Variants in AVPR1B observed in about 807,000 individuals in gnomAD.
The protein encoded by AVPR1B is vasopressin V1b receptor.
In AVPR1B, 25 loss-of-function variants were observed where a neutral mutation model predicts 27.5. The ratio of observed to expected loss-of-function variants is 0.91; its 90% confidence interval spans 0.66 to 1.27. The LOEUF (loss-of-function observed/expected upper bound fraction) is 1.27, where lower values mean the gene tolerates loss of function less well. Among genes scored for constraint, AVPR1B ranks in the 50% most tolerant of loss-of-function variants. The probability of loss-of-function intolerance (pLI) is 0.00; values close to 1 mark genes in which losing one functional copy is unlikely to be tolerated. For missense variants in AVPR1B, 595 were observed against 556.9 expected (o/e 1.07, Z -0.69); for synonymous variants, 248 against 240.2 (o/e 1.03, Z -0.30).
In AVPR1B at chr1:206,116,396, G is replaced by T; in HGVS notation, c.495C>A (p.Ser165Arg). 6.2e-7 allele frequency: 1 copy of T among 1,613,980 alleles called. No homozygotes were observed. The highest frequency in any genetic ancestry group is 8.5e-7 in the Non-Finnish European group (1 of 1,180,046). Residue 165 changes from serine to arginine, a missense_variant, in exon 1 of 2, where the codon AGC (serine) becomes AGA (arginine). Coordinates refer to ENST00000367126, the MANE Select transcript of AVPR1B (RefSeq NM_000707.5). ...GGGAAAAAATGAAGACTTGAGGGAGGCTGAAGATGGCGGCCAGCAGCCAGG... is the reference window on the plus strand; with the variant it reads ...GGGAAAAAATGAAGACTTGAGGGAGTCTGAAGATGGCGGCCAGCAGCCAGG... ...AAPWLLAAIF[S>R]LPQVFIFSLR...
rs147245349 is a variant in AVPR1B, at chr1:206,108,840, A to G, written c.*1349T>C. ...TGAGCATGTGCCATGCTCTTCCTCT[A>G]CCTCGGTCTACCTTGGCCTGCAGCC... On this transcript the variant is annotated 3_prime_UTR_variant, in exon 2 of 2. Transcript: ENST00000367126. Among the ~76,000 whole-genome samples, 2 of 152,312 alleles carry G rather than the reference A, an allele frequency of 1.3e-5. No individual in the cohort carries two copies. Among genetic ancestry groups the G allele is most frequent in the African/African-American group, 4.8e-5 (2 of 41,570 alleles).
rs1553289241 is a variant in AVPR1B, at chr1:206,108,138, C to T, written c.*2051G>A. On this transcript the variant is annotated 3_prime_UTR_variant, in exon 2 of 2. Transcript: ENST00000367126. ...AAGATGGGGCAAGGGGGTGGGGAGGCCGCTTTTGTAAGCAGGGGAAGGAGC... is the reference window on the plus strand; with the variant it reads ...AAGATGGGGCAAGGGGGTGGGGAGGTCGCTTTTGTAAGCAGGGGAAGGAGC... 6.6e-6 allele frequency among the ~76,000 whole-genome samples: 1 copy of T among 152,152 alleles called. No individual in the cohort carries two copies. Among genetic ancestry groups the T allele is most frequent in the African/African-American group, 2.4e-5 (1 of 41,434 alleles).
intron 1 of AVPR1B, among the ~76,000 whole-genome samples, chr1:206,111,108 G>A (rs1452351729): frequency 2.0e-5 from 3 of 152,084 alleles, no homozygotes; most frequent in African/African-American, 7.2e-5. Context: ...GGGACCTGAT[G>A]GGGCAATCAA....
chr1:206,111,338 A>G (rs1052626298), intron 1 of AVPR1B, among the ~76,000 whole-genome samples: 21 of 152,228 alleles, frequency 1.4e-4, no homozygotes, highest in African/African-American at 4.1e-4. Flanking sequence ...TTCCTTCCAG[A>G]CAAAATATTC....
At chr1:206,114,050 T>C (rs982487270) in intron 1 of AVPR1B, among the ~76,000 whole-genome samples, 1 of 152,216 alleles carries the variant, frequency 6.6e-6, no homozygotes, top group Non-Finnish European at 1.5e-5. Flanking sequence ...GAAGGGATAT[T>C]GTATTAAGAA....
At chr1:206,110,619 T>C (rs1358068513) in intron 1 of AVPR1B, 96 bp from the exon 2 acceptor site, 2 of 1,109,686 alleles carry the variant, frequency 1.8e-6, no homozygotes, top group Non-Finnish European at 2.5e-6. Flanking sequence ...ATGAGGAAAC[T>C]GAGTCCTAGA....
Position 206,116,361 on chromosome 1 carries a change from A to T in AVPR1B, c.530T>A (p.Val177Glu). 1 of 1,613,564 alleles carries T rather than the reference A, an allele frequency of 6.2e-7. No individual in the cohort carries two copies. ...GTCCAGCACCCCTGAGCCCTGGATC[A>T]CCTCCCGCAGGGAAAAAATGAAGAC... ...PQVFIFSLREVIQGSGVLDCW... is the reference protein window; with the variant it reads ...PQVFIFSLREEIQGSGVLDCW... The change falls in exon 1 of 2, where the codon GTG (valine) becomes GAG (glutamate). Residue 177 changes from valine to glutamate, a missense_variant. By Grantham distance (121) the Val-to-Glu change is moderately radical. Coordinates refer to ENST00000367126, the MANE Select transcript of AVPR1B (RefSeq NM_000707.5).
rs1394742526 is a variant in AVPR1B, at chr1:206,108,035, T to C, written c.*2154A>G. Among the ~76,000 whole-genome samples the C allele has an allele frequency of 1.3e-5, 2 of 152,286 alleles. No individual in the cohort carries two copies. The highest frequency in any genetic ancestry group is 3.9e-4 in the East Asian group (2 of 5,184). On this transcript the variant is annotated 3_prime_UTR_variant, in exon 2 of 2. Transcript: ENST00000367126. Reference sequence around the variant, plus strand: ...CCAGGTCTTTGGGGCACACAGCTGGTGTTCCTTCTACCTCCCAGTCATCAT... The same window carrying C: ...CCAGGTCTTTGGGGCACACAGCTGGCGTTCCTTCTACCTCCCAGTCATCAT...
At position 206,116,043 on chromosome 1, in the gene AVPR1B, G is replaced by T. The variant is rs373513260; in HGVS notation, c.848C>A (p.Thr283Asn). ...SRAKIRTVKMTFVIVLAYIAC... is the reference protein window; with the variant it reads ...SRAKIRTVKMNFVIVLAYIAC... ...GATGTAGGCCAGCACGATGACAAAG[G>T]TCATCTTCACTGTTCGGATCTTGGC... Residue 283 changes from threonine (T) to asparagine (N), a missense_variant, in exon 1 of 2, where the codon ACC becomes AAC. Transcript: ENST00000367126. The T allele has an allele frequency of 1.5e-5, 24 of 1,614,222 alleles. No individual in the cohort carries two copies. The highest frequency in any genetic ancestry group is 1.6e-4 in the Middle Eastern group (1 of 6,062).
In AVPR1B at chr1:206,107,239, T is replaced by C. The variant is rs1298689882; in HGVS notation, c.*2950A>G. ...AGTACTGTCATTCACAGTCACAGGA[T>C]GGCATAAACAATTTACACAAGTGCC... On this transcript the variant is annotated 3_prime_UTR_variant, in exon 2 of 2. Coordinates refer to ENST00000367126, the MANE Select transcript of AVPR1B (RefSeq NM_000707.5). Among the ~76,000 whole-genome samples the C allele has an allele frequency of 6.6e-6, 1 of 152,176 alleles. No homozygotes were observed. The highest frequency in any genetic ancestry group is 1.5e-5 in the Non-Finnish European group (1 of 68,044).
chr1:206,115,666 ATG>A (rs1663451170), intron 1 of AVPR1B, among the ~76,000 whole-genome samples: 1 of 152,238 alleles, frequency 6.6e-6, no homozygotes, highest in Non-Finnish European at 1.5e-5. Flanking sequence ...TGGTGGCCAA[ATG>A]TGCTAATGGT....
At chr1:206,110,930 A>T (rs1663366383) in intron 1 of AVPR1B, among the ~76,000 whole-genome samples, 1 of 152,194 alleles carries the variant, frequency 6.6e-6, no homozygotes, top group South Asian at 2.1e-4. Flanking sequence ...CAGGCAGGGA[A>T]AATAACCAAG....
In AVPR1B at chr1:206,116,265, A is replaced by G; in HGVS notation, c.626T>C (p.Val209Ala). 1 of 1,613,642 alleles carries G rather than the reference A, an allele frequency of 6.2e-7. No individual in the cohort carries two copies. Among genetic ancestry groups the G allele is most frequent in the Non-Finnish European group, 8.5e-7 (1 of 1,180,042 alleles). Residue 209 changes from valine (V) to alanine (A), a missense_variant, in exon 1 of 2, where the codon GTT becomes GCT. By Grantham distance (64) the Val-to-Ala change is moderately conservative. Coordinates refer to ENST00000367126, the MANE Select transcript of AVPR1B (RefSeq NM_000707.5). ...YLTWTTLAIF[V>A]LPVTMLTACY... Reference sequence around the variant, plus strand: ...GGCCGTGAGCATGGTCACCGGCAGAACGAAGATAGCCAGGGTGGTCCAGGT... The same window carrying G: ...GGCCGTGAGCATGGTCACCGGCAGAGCGAAGATAGCCAGGGTGGTCCAGGT...
At chr1:206,113,298 C>T (rs540790910) in intron 1 of AVPR1B, among the ~76,000 whole-genome samples, 5 of 152,020 alleles carry the variant, frequency 3.3e-5, no homozygotes, top group South Asian at 4.1e-4. Context: ...AGCTGATGGT[C>T]GGGGACAGGG....
intron 1 of AVPR1B, among the ~76,000 whole-genome samples, chr1:206,113,747 A>G (rs1264053039): frequency 1.3e-5 from 2 of 152,336 alleles, no homozygotes; most frequent in African/African-American, 2.4e-5. Context: ...AGCTTGGCCC[A>G]TAAAGACCTC....
chr1:206,116,498 G>C lies in AVPR1B; in HGVS notation c.393C>G (p.Asp131Glu). 1 of 1,614,092 alleles carries C rather than the reference G, an allele frequency of 6.2e-7. No homozygotes were observed. The highest frequency in any genetic ancestry group is 8.5e-7 in the Non-Finnish European group (1 of 1,179,998). Residue 131 changes from aspartate (D) to glutamate (E), a missense_variant, in exon 1 of 2, where the codon GAC becomes GAG. Coordinates refer to ENST00000367126, the MANE Select transcript of AVPR1B (RefSeq NM_000707.5). ...GGGGGTGACAGACAGCCAGGTAGCG[G>C]TCCAGCGTCATGGCCAGCAGCATGT... ...STYMLLAMTL[D>E]RYLAVCHPLR...
rs1247537317 is a variant in AVPR1B, at chr1:206,107,812, C to T, written c.*2377G>A. Among the ~76,000 whole-genome samples the T allele has an allele frequency of 6.6e-6, 1 of 152,218 alleles. No individual in the cohort carries two copies. The highest frequency in any genetic ancestry group is 2.4e-5 in the African/African-American group (1 of 41,464). On this transcript the variant is annotated 3_prime_UTR_variant, in exon 2 of 2. Coordinates refer to ENST00000367126, the MANE Select transcript of AVPR1B (RefSeq NM_000707.5). ...GACCCTGGAGGTCATCTACCAGATG[C>T]AATCTGGAGCCAGGCCATTGTTCCC...
In AVPR1B at chr1:206,107,744, G is replaced by T. The variant is rs2102335401; in HGVS notation, c.*2445C>A. Among the ~76,000 whole-genome samples, 1 of 152,348 alleles carries T rather than the reference G, an allele frequency of 6.6e-6. No individual in the cohort carries two copies. Among genetic ancestry groups the T allele is most frequent in the South Asian group, 2.1e-4 (1 of 4,828 alleles). ...TTTAGTCAGCCTTGATCCCAGGTCT[G>T]TCTCCTCTTTTCCTCTCTGAACTGT... On this transcript the variant is annotated 3_prime_UTR_variant, in exon 2 of 2. Coordinates refer to ENST00000367126, the MANE Select transcript of AVPR1B (RefSeq NM_000707.5).
intron 1 of AVPR1B, among the ~76,000 whole-genome samples, chr1:206,110,743 T>C (rs1438510732): frequency 6.6e-6 from 1 of 152,190 alleles, no homozygotes; most frequent in East Asian, 1.9e-4. Context: ...TTGTTTGTTT[T>C]TGTTGTGTAA....
Sources: gnomAD v4.1 joint callset for allele counts (sites outside exome capture counted in the v4.1 genomes callset) on GRCh38, gnomAD v4.1.1 for gene constraint, MANE v1.5 for transcripts, NCBI Gene and HGNC (gene_info 2026-07-23, HGNC 2026-07-21) for gene names.